The following DLC1 variants were observed in gnomAD, a reference collection of about 807,000 sequenced individuals.
DLC1 encodes the protein DLC1 Rho GTPase activating protein, also known as rho GTPase-activating protein 7.
DLC1 carries 54 observed loss-of-function variants against 140.3 expected under a neutral mutation model. The ratio of observed to expected loss-of-function variants is 0.38; its 90% CI spans 0.31 to 0.48. DLC1 has a LOEUF of 0.48. Among genes scored for constraint, DLC1 ranks in the 20% least tolerant of loss-of-function variants. DLC1 has a pLI of 0.96. For missense variants in DLC1, 2,536 were observed against 1,907.0 expected, an observed-to-expected ratio of 1.33 and a Z score of -6.14; for synonymous variants, 986 against 728.1, an observed-to-expected ratio of 1.35 and a Z score of -5.70.
chr8:13,383,717 T>C (rs1836377195), intron 4 of DLC1, among the ~76,000 whole-genome samples: 1 of 152,144 alleles, frequency 6.6e-6, no homozygotes, highest in African/African-American at 2.4e-5. Context: ...CTTGCATCGG[T>C]GGAAGTCAGG....
intron 2 of DLC1, among the ~76,000 whole-genome samples, chr8:13,439,807 C>A (rs559467777): frequency 5.3e-5 from 8 of 152,266 alleles, no homozygotes; most frequent in African/African-American, 1.9e-4. Context: ...CCTAAACCTG[C>A]TCACCATAGG....
Position 13,395,917 on chromosome 8 carries a change from C to G in DLC1, c.1174-2224G>C, listed in dbSNP as rs974283897. Reference sequence around the variant, plus strand: ...CTAAGAATATGATTCATTAGAATTTCAAATTGGATCAACATCAAGTAGTCT... The same window carrying G: ...CTAAGAATATGATTCATTAGAATTTGAAATTGGATCAACATCAAGTAGTCT... On this transcript the variant is annotated intron_variant, in intron 3 of 17. Coordinates refer to ENST00000276297, the MANE Select transcript of DLC1 (RefSeq NM_182643.3). Among the ~76,000 whole-genome samples, 29 of 151,564 alleles carry G rather than the reference C, an allele frequency of 1.9e-4. 1 individual carries two copies. Among genetic ancestry groups the G allele is most frequent in the African/African-American group, 5.8e-4 (24 of 41,268 alleles).
intron 5 of DLC1, among the ~76,000 whole-genome samples, chr8:13,246,309 A>C (rs1829760304): frequency 6.6e-6 from 1 of 152,230 alleles, no homozygotes; most frequent in Non-Finnish European, 1.5e-5. Context: ...AATATCTTAC[A>C]CTTCTTTTAT....
Position 13,088,508 on chromosome 8 carries a change from G to C in DLC1, c.4271C>G (p.Ala1424Gly). The stretch of plus-strand genomic sequence containing the variant: ...TCACCTTAAAACAACGTAGTCTCGA[G>C]CAGGATGAGGTGCCATACTGTTTTG... ...YVQNSMAPHP[A>G]RDYVVLRTWR... The change falls in exon 16 of 18, where the codon GCT becomes GGT. Residue 1424 changes from alanine to glycine, a missense_variant. Transcript: ENST00000276297. 1 of 1,614,220 alleles carries C rather than the reference G, an allele frequency of 6.2e-7. No homozygotes were observed. Among genetic ancestry groups the C allele is most frequent in the Non-Finnish European group, 8.5e-7 (1 of 1,180,030 alleles).
chr8:13,197,140 A>G (rs1056233667), intron 5 of DLC1, among the ~76,000 whole-genome samples: 6 of 152,146 alleles, frequency 3.9e-5, no homozygotes, highest in African/African-American at 1.4e-4. Flanking sequence ...GAGGATGTCT[A>G]GTGGGTAAAG....
At chr8:13,126,304 A>T (rs1347034256) in intron 5 of DLC1, among the ~76,000 whole-genome samples, 1 of 151,976 alleles carries the variant, frequency 6.6e-6, no homozygotes, top group Non-Finnish European at 1.5e-5. Context: ...TTTCTGTTTC[A>T]TTTCAACCTG....
intron 5 of DLC1, among the ~76,000 whole-genome samples, chr8:13,238,033 A>C (rs1829371793): frequency 6.6e-6 from 1 of 152,172 alleles, no homozygotes; most frequent in African/African-American, 2.4e-5. Flanking sequence ...AAATTAACAA[A>C]TATTGGTAGC....
At chr8:13,151,563 G>C (rs900698356) in intron 5 of DLC1, among the ~76,000 whole-genome samples, 6 of 152,130 alleles carry the variant, frequency 3.9e-5, no homozygotes, top group Admixed American at 1.3e-4. Context: ...AAAGAAAAAA[G>C]AATTTAGATT....
In DLC1 at chr8:13,447,094, C is replaced by G. The variant is rs543132691; in HGVS notation, c.1024-45475G>C. ...CTCTAAACTTTCCCTGTGTGTAGAGCTCTAAAGCCTTCATTGCATTAGCTA... is the reference window on the plus strand; with the variant it reads ...CTCTAAACTTTCCCTGTGTGTAGAGGTCTAAAGCCTTCATTGCATTAGCTA... On this transcript the variant is annotated intron_variant, in intron 2 of 17. Transcript: ENST00000276297. Among the ~76,000 whole-genome samples the G allele has an allele frequency of 4.6e-5, 7 of 152,254 alleles. No homozygotes were observed. The East Asian group carries it at 1.4e-3, about 29-fold the overall frequency.
intron 5 of DLC1, among the ~76,000 whole-genome samples, chr8:13,257,376 A>G (rs1830278242): frequency 6.6e-6 from 1 of 150,742 alleles, no homozygotes; most frequent in South Asian, 2.1e-4. Flanking sequence ...GTTCAAGACT[A>G]CAGTGAGCCA....
At chr8:13,479,867 G>GAAAGAAAGAGAA (rs1800629255) in intron 2 of DLC1, among the ~76,000 whole-genome samples, 1 of 14,026 alleles carries the variant, frequency 7.1e-5, no homozygotes, top group Non-Finnish European at 2.9e-4. Context: ...AAGAGAAAAA[G>GAAAGAAAGAGAA]AAAGAAAGAA....
chr8:13,298,418 G>A lies in DLC1; in HGVS notation c.1348+6851C>T, dbSNP rs879786023. ...AGGTTAAATAAAAAGCTTTAGAATC[G>A]TGTTAACTCTAAGTCAGTAAGATTA... On this transcript the variant is annotated intron_variant, in intron 5 of 17. Transcript: ENST00000276297. Among the ~76,000 whole-genome samples the A allele has an allele frequency of 2.4e-4, 37 of 152,210 alleles. 1 individual carries two copies. The highest frequency in any genetic ancestry group is 6.8e-3 in the Middle Eastern group (2 of 294).
chr8:13,488,581 T>C (rs943686706), intron 2 of DLC1, among the ~76,000 whole-genome samples: 4 of 152,156 alleles, frequency 2.6e-5, no homozygotes, highest in African/African-American at 7.2e-5. Flanking sequence ...AAATCTAAAA[T>C]GTATCCTTTA....
intron 5 of DLC1, among the ~76,000 whole-genome samples, chr8:13,242,550 TA>T (rs1829585378): frequency 6.6e-6 from 1 of 152,060 alleles, no homozygotes; most frequent in Admixed American, 6.6e-5. Flanking sequence ...TGCATGCCAC[TA>T]CATCTGTACT....
At chr8:13,312,360 C>CAAAAAAAAAAA (rs777597726) in intron 4 of DLC1, among the ~76,000 whole-genome samples, 505 of 6,558 alleles carry the variant, frequency 0.077, 94 homozygotes, top group East Asian at 0.15. Context: ...GACTCCGTCT[C>CAAAAAAAAAAA]AAAAAAAAAA....
chr8:13,481,080 G>A (rs986475260), intron 2 of DLC1, among the ~76,000 whole-genome samples: 1 of 152,080 alleles, frequency 6.6e-6, no homozygotes, highest in Admixed American at 6.6e-5. Flanking sequence ...AATTCTCTAC[G>A]CTTTTGAAAT....
At chr8:13,501,280 G>A (rs1490822263) in intron 1 of DLC1, among the ~76,000 whole-genome samples, 2 of 151,966 alleles carry the variant, frequency 1.3e-5, no homozygotes, top group Non-Finnish European at 2.9e-5. Context: ...ACACATACCA[G>A]GTACCCAAAT....
At chr8:13,405,965 CT>C in intron 2 of DLC1, among the ~76,000 whole-genome samples, 2 of 86,978 alleles carry the variant, frequency 2.3e-5, no homozygotes, top group Non-Finnish European at 4.9e-5. Context: ...TTCTTTCTTT[CT>C]TTCTTTCATC....
chr8:13,084,145 C>G lies in DLC1; in HGVS notation c.*1666G>C, dbSNP rs1026453775. Reference sequence around the variant, plus strand: ...AATAATAATCTTTATCATGCTTTATCTATGTTTGAAAGCACAGTGGACATG... The same window carrying G: ...AATAATAATCTTTATCATGCTTTATGTATGTTTGAAAGCACAGTGGACATG... On this transcript the variant is annotated 3_prime_UTR_variant, in exon 18 of 18. Transcript: ENST00000276297. 6.6e-6 allele frequency: 1 copy of G among 152,540 alleles called. No individual in the cohort carries two copies. The highest frequency in any genetic ancestry group is 3.2e-3 in the Middle Eastern group (1 of 314). 9.4% of individuals were successfully genotyped at this position (152,540 alleles called of 1,614,324 possible).
Sources: gnomAD v4.1 joint callset for allele counts (sites outside exome capture counted in the v4.1 genomes callset) on GRCh38, gnomAD v4.1.1 for gene constraint, MANE v1.5 for transcripts, NCBI Gene and HGNC (gene_info 2026-07-23, HGNC 2026-07-21) for gene names.